Variants in BPHL observed in about 807,000 individuals in gnomAD.
The protein encoded by BPHL is biphenyl hydrolase like, also known as serine hydrolase BPHL.
In BPHL, 27 loss-of-function variants were observed where a neutral mutation model predicts 31.2. That is an observed-to-expected ratio of 0.87 (90% confidence interval 0.64 to 1.19). The LOEUF (loss-of-function observed/expected upper bound fraction) is 1.19, where lower values mean the gene tolerates loss of function less well. BPHL is among the 50% of genes most tolerant of loss of function. BPHL has a pLI of 0.00. For synonymous variants in BPHL, 150 were observed against 146.8 expected, an observed-to-expected ratio of 1.02 and a Z score of -0.16; for missense variants, 356 against 375.7, an observed-to-expected ratio of 0.95 and a Z score of 0.43.
rs147356053 is a variant in BPHL, at chr6:3,140,398, G to A, written c.677G>A (p.Arg226Gln). ...FKHLPDGNIC[R>Q]HLLPRVQCPA... ...GTGTATCCGTCAGGTAACATCTGCCGGCACCTGCTGCCCCGGGTCCAGTGC... is the reference window on the plus strand; with the variant it reads ...GTGTATCCGTCAGGTAACATCTGCCAGCACCTGCTGCCCCGGGTCCAGTGC... Residue 226 changes from arginine (R) to glutamine (Q), a missense_variant, in exon 6 of 7, where the codon CGG (arginine) becomes CAG (glutamine). By Grantham distance (43) the Arg-to-Gln change is conservative. Coordinates refer to ENST00000380379, the MANE Select transcript of BPHL (RefSeq NM_004332.4). The surrounding 1 kb of genome is among the most constrained non-coding windows in gnomAD (Gnocchi z 5.2). The A allele has an allele frequency of 2.0e-5, 32 of 1,613,916 alleles. No individual in the cohort carries two copies. In the East Asian group the frequency reaches 2.0e-4, roughly 10 times the overall value.
rs764424813 is a variant in BPHL at position 3,140,684 on chromosome 6, G to T, written c.788+175G>T. On this transcript the variant is annotated intron_variant, in intron 6 of 6. Transcript: ENST00000380379. The surrounding 1 kb of genome is among the most constrained non-coding windows in gnomAD (Gnocchi z 5.2). ...GGGTACCACGGAAGAGAGAAGCCCTGAACTGTGGGTGACTGATAACCAGAA... is the reference window on the plus strand; with the variant it reads ...GGGTACCACGGAAGAGAGAAGCCCTTAACTGTGGGTGACTGATAACCAGAA... 3.3e-5 allele frequency among the ~76,000 whole-genome samples: 5 copies of T among 152,166 alleles called. No individual in the cohort carries two copies. Among genetic ancestry groups the T allele is most frequent in the Non-Finnish European group, 7.3e-5 (5 of 68,034 alleles).
intron 1 of BPHL, among the ~76,000 whole-genome samples, chr6:3,122,997 G>A (rs1299817543): frequency 2.6e-5 from 4 of 152,200 alleles, no homozygotes; most frequent in African/African-American, 9.6e-5. Context: ...GTCCACCCTC[G>A]TTTCACGCCA....
intron 4 of BPHL, among the ~76,000 whole-genome samples, chr6:3,131,463 C>A (rs1044394984): frequency 6.6e-6 from 1 of 152,182 alleles, no homozygotes; most frequent in African/African-American, 2.4e-5. Context: ...TTACATAATA[C>A]CCCTCCAGTT....
Position 3,140,677 on chromosome 6 carries a change from A to G in BPHL, c.788+168A>G, listed in dbSNP as rs1762150719. The stretch of plus-strand genomic sequence containing the variant: ...TTATTTAGGGTACCACGGAAGAGAG[A>G]AGCCCTGAACTGTGGGTGACTGATA... On this transcript the variant is annotated intron_variant, in intron 6 of 6. Transcript: ENST00000380379. This position sits in a 1 kb window ranked among gnomAD's most constrained non-coding sequence, Gnocchi z 5.2. Among the ~76,000 whole-genome samples the G allele has an allele frequency of 6.6e-6, 1 of 152,170 alleles. No individual in the cohort carries two copies. The highest frequency in any genetic ancestry group is 2.4e-5 in the African/African-American group (1 of 41,438).
Position 3,149,807 on chromosome 6 carries a change from T to C in BPHL, c.789-2681T>C, listed in dbSNP as rs1762472529. 6.6e-6 allele frequency among the ~76,000 whole-genome samples: 1 copy of C among 152,082 alleles called. No individual in the cohort carries two copies. Among genetic ancestry groups the C allele is most frequent in the Non-Finnish European group, 1.5e-5 (1 of 68,014 alleles). On this transcript the variant is annotated intron_variant, in intron 6 of 6. Transcript: ENST00000380379. This position sits in a 1 kb window ranked among gnomAD's most constrained non-coding sequence, Gnocchi z 4.6. ...ACCACGCCGGCTAATTTTTGTGTTTTTGGTAGAGATGGAGTTTCACCACAT... is the reference window on the plus strand; with the variant it reads ...ACCACGCCGGCTAATTTTTGTGTTTCTGGTAGAGATGGAGTTTCACCACAT...
chr6:3,119,579 C>T, intron 1 of BPHL: 1 of 1,586,876 alleles, frequency 6.3e-7, no homozygotes, highest in East Asian at 2.2e-5. Flanking sequence ...TACTCTTGGT[C>T]CCAAGAGATA....
At chr6:3,119,525 CAAAA>C (rs546638701) in intron 1 of BPHL, 3 of 1,612,768 alleles carry the variant, frequency 1.9e-6, no homozygotes, top group African/African-American at 1.3e-5. Flanking sequence ...AAAACAATAA[CAAAA>C]AAACTGGATT....
intron 1 of BPHL, among the ~76,000 whole-genome samples, chr6:3,122,204 C>T (rs1381565650): frequency 6.6e-5 from 10 of 152,090 alleles, no homozygotes; most frequent in African/African-American, 2.4e-4. Flanking sequence ...GGTGTGAACC[C>T]GGGAGGTGGA....
At chr6:3,137,856 A>G (rs1016148346) in intron 5 of BPHL, among the ~76,000 whole-genome samples, 1 of 152,216 alleles carries the variant, frequency 6.6e-6, no homozygotes, top group African/African-American at 2.4e-5. Context: ...ATAGGCCACA[A>G]TGTGTACAAT....
At chr6:3,132,525 G>GT (rs927551630) in intron 4 of BPHL, among the ~76,000 whole-genome samples, 8 of 151,232 alleles carry the variant, frequency 5.3e-5, no homozygotes, top group African/African-American at 1.7e-4. Flanking sequence ...TTCGACTGTT[G>GT]TTTTTTTTTA....
chr6:3,119,557 C>T, intron 1 of BPHL: 1 of 1,610,474 alleles, frequency 6.2e-7, no homozygotes, highest in Non-Finnish European at 8.5e-7. Flanking sequence ...GACCTTCTGT[C>T]TTGAAAATGG....
intron 6 of BPHL, among the ~76,000 whole-genome samples, chr6:3,145,256 GTGGAGTGCTGGTGTGGGT>G (rs1762301913): frequency 2.4e-5 from 1 of 42,188 alleles, no homozygotes; most frequent in African/African-American, 1.4e-4. Flanking sequence ...CTGGTTCGGG[GTGGAGTGCTGGTGTGGGT>G]TGGAGTGCTG....
At chr6:3,151,807 AAAGG>A (rs1762531754) in intron 6 of BPHL, among the ~76,000 whole-genome samples, 1 of 152,222 alleles carries the variant, frequency 6.6e-6, no homozygotes, top group African/African-American at 2.4e-5. Context: ...AATCCTGTTG[AAAGG>A]AAGAAGCCTT....
chr6:3,128,967 T>A lies in BPHL; in HGVS notation c.379-78T>A, dbSNP rs79126053. 3.3e-4 allele frequency: 522 copies of A among 1,593,004 alleles called. 3 individuals carry two copies. In the East Asian group the frequency reaches 0.011, roughly 33 times the overall value. On this transcript the variant is annotated intron_variant, in intron 3 of 6. Transcript: ENST00000380379. ...ACTCCAGCCTCACACCTGTATTGAT[T>A]CTGATAATTAGTGATTCAGTTTCTT...
At chr6:3,131,517 G>A (rs552887176) in intron 4 of BPHL, among the ~76,000 whole-genome samples, 22 of 152,068 alleles carry the variant, frequency 1.4e-4, no homozygotes, top group Non-Finnish European at 2.4e-4. Context: ...GGTTTAGGCC[G>A]CTAGCTTCAT....
intron 5 of BPHL, chr6:3,138,004 A>T: frequency 7.8e-7 from 1 of 1,280,756 alleles, no homozygotes; most frequent in South Asian, 1.2e-5. Flanking sequence ...TGTAACCATG[A>T]ACAATGCACA....
chr6:3,152,441 T>A, intron 6 of BPHL, 47 bp from the exon 7 acceptor site: 1 of 1,541,076 alleles, frequency 6.5e-7, no homozygotes, highest in Non-Finnish European at 9.0e-7. Context: ...GGGTTTGTTC[T>A]TAAGTGGTGG....
Position 3,145,793 on chromosome 6 carries a change from AGAGTGCTGGTTTGGGTC to A in BPHL, c.788+5313_788+5329del, listed in dbSNP as rs1404309824. On this transcript the variant is annotated intron_variant, in intron 6 of 6. Transcript: ENST00000380379. ...TCAGGTTGGAGTGCTGGTTCCGGCT[AGAGTGCTGGTTTGGGTC>A]GAGTGCTGGTTTGGGTCGAGTGCTG... Among the ~76,000 whole-genome samples, 2 of 28,686 alleles carry A rather than the reference AGAGTGCTGGTTTGGGTC, an allele frequency of 7.0e-5. 1 individual carries two copies. Among genetic ancestry groups the A allele is most frequent in the African/African-American group, 2.8e-4 (2 of 7,142 alleles). 18.8% of individuals were successfully genotyped at this position (28,686 alleles called of 152,430 possible).
At chr6:3,141,525 G>C (rs890516616) in intron 6 of BPHL, among the ~76,000 whole-genome samples, 2 of 152,050 alleles carry the variant, frequency 1.3e-5, no homozygotes, top group Non-Finnish European at 2.9e-5. Context: ...GCGCCACCAC[G>C]CCCAGCTAAT....
Sources: gnomAD v4.1 joint callset for allele counts (sites outside exome capture counted in the v4.1 genomes callset) on GRCh38, gnomAD v4.1.1 for gene constraint, Gnocchi (gnomAD v3.1) non-coding constraint, MANE v1.5 for transcripts, NCBI Gene and HGNC (gene_info 2026-07-23, HGNC 2026-07-21) for gene names.